SLC6A11: variants seen among roughly 807,000 people sequenced by gnomAD.
The protein encoded by SLC6A11 is solute carrier family 6 member 11.
A neutral mutation model predicts 74.8 loss-of-function variants in SLC6A11; 25 were observed. The ratio of observed to expected loss-of-function variants is 0.33; its 90% CI spans 0.24 to 0.47. The LOEUF (loss-of-function observed/expected upper bound fraction) is 0.47. SLC6A11 is among the 20% of genes least tolerant of loss of function. The pLI, the probability that SLC6A11 is intolerant of heterozygous loss-of-function variation, is 1.00. For missense variants in SLC6A11, 574 were observed against 837.0 expected (o/e 0.69, Z 3.88); for synonymous variants, 330 against 330.2 (o/e 1.00, Z 0.01).
At position 10,929,437 on chromosome 3, in the gene SLC6A11, G is replaced by C. The variant is rs1347449359; in HGVS notation, c.1371+98G>C. 3.0e-6 allele frequency: 4 copies of C among 1,340,930 alleles called. No homozygotes were observed. The African/African-American group carries it at 5.8e-5, about 19-fold the overall frequency. The allele number at this position is 1,340,930 out of a possible 1,614,324, so 83.1% of individuals were successfully genotyped here. A position where few individuals can be genotyped will look rare whatever the true frequency, so the allele number is the denominator to read the frequency against. ...AGCTGTGTGACCCGGGTCAGGTCTA[G>C]TGCCCTCTGCCACTCGGTTTATGCT... On this transcript the variant is annotated intron_variant, in intron 10 of 13. Transcript: ENST00000254488.
chr3:10,909,048 A>C lies in SLC6A11; in HGVS notation c.892-3042A>C, dbSNP rs1461705229. Reference sequence around the variant, plus strand: ...TTCCTGTGTGTTGGCCTTAATTCTCAGGTAGACTCTTCCTTCATGGCCAGT... The same window carrying C: ...TTCCTGTGTGTTGGCCTTAATTCTCCGGTAGACTCTTCCTTCATGGCCAGT... On this transcript the variant is annotated intron_variant, in intron 6 of 13. Transcript: ENST00000254488. 4.0e-5 allele frequency among the ~76,000 whole-genome samples: 6 copies of C among 150,078 alleles called. No individual in the cohort carries two copies. In the Admixed American group the frequency reaches 4.1e-4, roughly 10 times the overall value.
At chr3:10,898,419 C>T (rs570785252) in intron 6 of SLC6A11, among the ~76,000 whole-genome samples, 1 of 152,366 alleles carries the variant, frequency 6.6e-6, no homozygotes, top group South Asian at 2.1e-4. Flanking sequence ...ATGCCTTTAA[C>T]AGCACCCAAG....
intron 5 of SLC6A11, among the ~76,000 whole-genome samples, chr3:10,845,454 C>A (rs1161652784): frequency 6.6e-6 from 1 of 152,208 alleles, no homozygotes; most frequent in African/African-American, 2.4e-5. Flanking sequence ...TCCTTGCCAG[C>A]CTCCTTCCCA....
At chr3:10,837,151 T>TTG (rs919995951) in intron 4 of SLC6A11, among the ~76,000 whole-genome samples, 1 of 152,090 alleles carries the variant, frequency 6.6e-6, no homozygotes, top group Admixed American at 6.5e-5. Flanking sequence ...GAGCTGGTGC[T>TTG]TGAAGGATGG....
At chr3:10,856,545 G>A (rs1280246951) in intron 5 of SLC6A11, among the ~76,000 whole-genome samples, 2 of 152,124 alleles carry the variant, frequency 1.3e-5, no homozygotes, top group Admixed American at 1.3e-4. Flanking sequence ...ATGTGCACAG[G>A]GTCACACAGT....
At chr3:10,909,415 C>T (rs77866316) in intron 6 of SLC6A11, among the ~76,000 whole-genome samples, 3,689 of 152,122 alleles carry the variant, frequency 0.024, 156 homozygotes, top group African/African-American at 0.085. Context: ...GTTTGGGGGA[C>T]GTATCTGGGG....
intron 7 of SLC6A11, among the ~76,000 whole-genome samples, chr3:10,914,655 T>C (rs891349200): frequency 2.0e-5 from 3 of 152,012 alleles, no homozygotes; most frequent in Non-Finnish European, 4.4e-5. Context: ...GCATCTAGTT[T>C]TGTGGAGGAT....
intron 5 of SLC6A11, among the ~76,000 whole-genome samples, chr3:10,873,533 T>G (rs990078483): frequency 7.8e-6 from 1 of 128,036 alleles, no homozygotes; most frequent in African/African-American, 3.1e-5. Flanking sequence ...TCCTATCCTG[T>G]CCTATCCTAT....
chr3:10,836,911 G>T (rs1268693032), intron 4 of SLC6A11, among the ~76,000 whole-genome samples: 1 of 152,200 alleles, frequency 6.6e-6, no homozygotes, highest in East Asian at 1.9e-4. Context: ...AATGACCTGT[G>T]GTTGCTTTCA....
intron 6 of SLC6A11, among the ~76,000 whole-genome samples, chr3:10,888,658 C>G (rs1695072250): frequency 6.6e-6 from 1 of 152,138 alleles, no homozygotes; most frequent in Non-Finnish European, 1.5e-5. Flanking sequence ...GTGTTTTCAC[C>G]CTTGAGAATT....
intron 4 of SLC6A11, among the ~76,000 whole-genome samples, chr3:10,839,094 G>A (rs886804487): frequency 1.3e-5 from 2 of 152,072 alleles, no homozygotes; most frequent in African/African-American, 4.8e-5. Flanking sequence ...CATCGTAAGG[G>A]CCTTCACTTC....
intron 5 of SLC6A11, among the ~76,000 whole-genome samples, chr3:10,849,106 C>G (rs1477429902): frequency 6.6e-6 from 1 of 152,124 alleles, no homozygotes; most frequent in African/African-American, 2.4e-5. Context: ...AGTTTTAGTT[C>G]TTCATAGATA....
intron 5 of SLC6A11, among the ~76,000 whole-genome samples, chr3:10,844,684 A>G (rs1425714043): frequency 6.6e-6 from 1 of 152,196 alleles, no homozygotes; most frequent in African/African-American, 2.4e-5. Context: ...TTCTTTGGTA[A>G]TGAAGACAGG....
chr3:10,891,099 G>T (rs963990258), intron 6 of SLC6A11, among the ~76,000 whole-genome samples: 1 of 152,074 alleles, frequency 6.6e-6, no homozygotes, highest in African/African-American at 2.4e-5. Flanking sequence ...TCTACCATTG[G>T]GAAGGAATGA....
At chr3:10,829,774 A>G (rs1050615899) in intron 4 of SLC6A11, among the ~76,000 whole-genome samples, 1 of 152,212 alleles carries the variant, frequency 6.6e-6, no homozygotes, top group Non-Finnish European at 1.5e-5. Flanking sequence ...GCTAATAAAT[A>G]GTAGCTGTTT....
At chr3:10,825,863 TC>T (rs1295875275) in intron 4 of SLC6A11, among the ~76,000 whole-genome samples, 17 of 152,382 alleles carry the variant, frequency 1.1e-4, no homozygotes, top group Non-Finnish European at 2.2e-4. Context: ...GTTTGGGCTC[TC>T]TGTTCTGTTC....
intron 5 of SLC6A11, among the ~76,000 whole-genome samples, chr3:10,867,156 G>GTGTCC (rs1694772558): frequency 6.6e-6 from 1 of 152,200 alleles, no homozygotes; most frequent in Non-Finnish European, 1.5e-5. Flanking sequence ...GGACTGCACA[G>GTGTCC]TGTCCTCTGG....
intron 6 of SLC6A11, among the ~76,000 whole-genome samples, chr3:10,878,289 G>A (rs1396318483): frequency 6.6e-6 from 1 of 151,178 alleles, no homozygotes; most frequent in Non-Finnish European, 1.5e-5. Context: ...GCATCCAGTA[G>A]ACATGGCCTT....
Position 10,905,307 on chromosome 3 carries a change from T to C in SLC6A11, c.892-6783T>C, listed in dbSNP as rs151331841. 3.6e-3 allele frequency among the ~76,000 whole-genome samples: 547 copies of C among 152,356 alleles called. 3 individuals carry two copies. The highest frequency in any genetic ancestry group is 0.012 in the African/African-American group (515 of 41,590). ...TCACTTGGGTGTGGCCAATGATATG[T>C]ATTTGGGAGTGAAGGCAACCCTCAG... On this transcript the variant is annotated intron_variant, in intron 6 of 13. Transcript: ENST00000254488.
Sources: gnomAD v4.1 joint callset for allele counts (sites outside exome capture counted in the v4.1 genomes callset) on GRCh38, gnomAD v4.1.1 for gene constraint, MANE v1.5 for transcripts, NCBI Gene and HGNC (gene_info 2026-07-23, HGNC 2026-07-21) for gene names.